KIAA1328: variants seen among roughly 807,000 people sequenced by gnomAD.
The protein encoded by KIAA1328 is KIAA1328.
A neutral mutation model predicts 68.1 loss-of-function variants in KIAA1328; 52 were observed. The observed-to-expected ratio is 0.76, with a 90% CI of 0.61 to 0.96. The LOEUF (loss-of-function observed/expected upper bound fraction) is 0.96. KIAA1328 is among the 40% of genes least tolerant of loss of function. The pLI is 0.00. For synonymous variants in KIAA1328, 232 were observed against 239.4 expected, an observed-to-expected ratio of 0.97 and a Z score of 0.28; for missense variants, 641 against 677.6, an observed-to-expected ratio of 0.95 and a Z score of 0.60.
chr18:37,009,496 G>A (rs2053898954), intron 6 of KIAA1328, among the ~76,000 whole-genome samples: 1 of 152,108 alleles, frequency 6.6e-6, no homozygotes, highest in South Asian at 2.1e-4. Flanking sequence ...TCAACTAGGG[G>A]TGATTTTGAC....
chr18:36,981,431 C>T (rs1046995004), intron 6 of KIAA1328, among the ~76,000 whole-genome samples: 1 of 152,090 alleles, frequency 6.6e-6, no homozygotes, highest in Non-Finnish European at 1.5e-5. Context: ...TGCAAAGAAT[C>T]AGTAAAATGC....
At chr18:37,032,035 C>A (rs2054849568) in intron 6 of KIAA1328, among the ~76,000 whole-genome samples, 1 of 152,026 alleles carries the variant, frequency 6.6e-6, no homozygotes, top group Non-Finnish European at 1.5e-5. Context: ...AAAATACTAG[C>A]CAGGTATGGT....
chr18:37,084,461 T>TA, intron 7 of KIAA1328: 2 of 290,392 alleles, frequency 6.9e-6, no homozygotes, highest in East Asian at 5.8e-5. Flanking sequence ...TTCTACTATT[T>TA]CTTTTTTGTT....
chr18:37,187,275 A>G (rs944234419), intron 9 of KIAA1328, among the ~76,000 whole-genome samples: 4 of 152,184 alleles, frequency 2.6e-5, no homozygotes, highest in African/African-American at 9.6e-5. Context: ...AGAGTGATTA[A>G]TGTTGTACGT....
chr18:37,155,372 C>T (rs2059130391), intron 7 of KIAA1328, among the ~76,000 whole-genome samples: 1 of 152,186 alleles, frequency 6.6e-6, no homozygotes, highest in African/African-American at 2.4e-5. Context: ...TCTCAAGCTG[C>T]AGTTAATTTT....
chr18:36,889,341 G>A (rs919563045), intron 5 of KIAA1328, among the ~76,000 whole-genome samples: 14 of 152,334 alleles, frequency 9.2e-5, no homozygotes, highest in Middle Eastern at 3.4e-3. Flanking sequence ...ATGTTGGCAT[G>A]TAATAGTGTA....
intron 7 of KIAA1328, among the ~76,000 whole-genome samples, chr18:37,141,881 C>A (rs2058773121): frequency 6.6e-6 from 1 of 152,110 alleles, no homozygotes; most frequent in East Asian, 1.9e-4. Context: ...TTGTTCAAAT[C>A]TTTTAACCAG....
intron 4 of KIAA1328, among the ~76,000 whole-genome samples, chr18:36,860,917 T>A (rs978128649): frequency 6.6e-5 from 10 of 152,148 alleles, no homozygotes; most frequent in Non-Finnish European, 1.0e-4. Flanking sequence ...AGCTATTTTT[T>A]AAAAAATAGT....
chr18:36,858,902 A>G (rs1409305771), intron 4 of KIAA1328, among the ~76,000 whole-genome samples: 1 of 152,210 alleles, frequency 6.6e-6, no homozygotes, highest in Non-Finnish European at 1.5e-5. Context: ...TCTTACACTT[A>G]AATCTCTGAT....
chr18:36,856,472 T>A (rs2047387002), intron 4 of KIAA1328, among the ~76,000 whole-genome samples: 1 of 152,174 alleles, frequency 6.6e-6, no homozygotes, highest in African/African-American at 2.4e-5. Context: ...TGGTCATTTT[T>A]AAATTTTGAG....
chr18:36,847,342 A>G (rs892457882), intron 4 of KIAA1328, among the ~76,000 whole-genome samples: 2 of 151,632 alleles, frequency 1.3e-5, no homozygotes, highest in Non-Finnish European at 1.5e-5. Flanking sequence ...TCCCAATGTG[A>G]TTGTGCCATT....
chr18:36,948,467 G>A (rs1317148297), intron 5 of KIAA1328, among the ~76,000 whole-genome samples: 1 of 149,422 alleles, frequency 6.7e-6, no homozygotes, highest in Non-Finnish European at 1.5e-5. Flanking sequence ...TCACCATGTT[G>A]TCCAGGATGG....
intron 7 of KIAA1328, chr18:37,075,485 T>C (rs2056690963): frequency 6.6e-6 from 1 of 152,106 alleles, no homozygotes; most frequent in Non-Finnish European, 1.5e-5. Flanking sequence ...CATAACAATA[T>C]TAACTTTAAA....
At chr18:37,016,246 G>A (rs1484155074) in intron 6 of KIAA1328, among the ~76,000 whole-genome samples, 1 of 152,094 alleles carries the variant, frequency 6.6e-6, no homozygotes, top group Admixed American at 6.6e-5. Context: ...TGCATCTATC[G>A]AGATGATCAT....
chr18:36,936,711 A>G (rs1191636408), intron 5 of KIAA1328, among the ~76,000 whole-genome samples: 1 of 152,168 alleles, frequency 6.6e-6, no homozygotes, highest in African/African-American at 2.4e-5. Context: ...CAATGGTTGA[A>G]CTAATTTACA....
At chr18:37,032,122 G>A (rs2054853219) in intron 6 of KIAA1328, among the ~76,000 whole-genome samples, 1 of 152,216 alleles carries the variant, frequency 6.6e-6, no homozygotes. Flanking sequence ...CAAGGCTACA[G>A]TGATCTGTGA....
intron 4 of KIAA1328, among the ~76,000 whole-genome samples, chr18:36,864,190 G>A (rs982545106): frequency 6.6e-6 from 1 of 151,990 alleles, no homozygotes; most frequent in Non-Finnish European, 1.5e-5. Context: ...TTTCTCTGTC[G>A]ATTGATATGA....
chr18:36,953,096 T>C (rs17681188), intron 5 of KIAA1328, among the ~76,000 whole-genome samples: 5,178 of 151,670 alleles, frequency 0.034, 112 homozygotes, highest in East Asian at 0.097. Flanking sequence ...GTGTACCTTC[T>C]ACCTAGATTT....
chr18:37,222,706 A>G lies in KIAA1328; in HGVS notation c.*479A>G. On this transcript the variant is annotated 3_prime_UTR_variant, in exon 10 of 10. Transcript: ENST00000280020. ...TCTCATCCTGTTCTCTCACTACTACATTTCTGTAAGTGGTCCTTTAATTCT... is the reference window on the plus strand; with the variant it reads ...TCTCATCCTGTTCTCTCACTACTACGTTTCTGTAAGTGGTCCTTTAATTCT... 3 of 996,642 alleles carry G rather than the reference A, an allele frequency of 3.0e-6. No individual in the cohort carries two copies. The highest frequency in any genetic ancestry group is 3.6e-6 in the Non-Finnish European group (3 of 837,172). The allele number at this position is 996,642 out of a possible 1,614,324, so 61.7% of individuals were successfully genotyped here. A position where few individuals can be genotyped will look rare whatever the true frequency, so the allele number is the denominator to read the frequency against.
Sources: gnomAD v4.1 joint callset for allele counts (sites outside exome capture counted in the v4.1 genomes callset) on GRCh38, gnomAD v4.1.1 for gene constraint, MANE v1.5 for transcripts, NCBI Gene and HGNC (gene_info 2026-07-23, HGNC 2026-07-21) for gene names.